The following ARHGEF37 variants were observed in gnomAD, a reference collection of about 807,000 sequenced individuals.
The protein encoded by ARHGEF37 is Rho guanine nucleotide exchange factor 37.
Under a neutral mutation model 71.1 loss-of-function variants are expected in ARHGEF37, and 55 were observed. The observed-to-expected ratio is 0.77, with a 90% confidence interval of 0.62 to 0.97. The LOEUF (loss-of-function observed/expected upper bound fraction) is 0.97, where lower values mean the gene tolerates loss of function less well. Among genes scored for constraint, ARHGEF37 ranks in the 50% least tolerant of loss-of-function variants. The pLI is 0.00. For missense variants in ARHGEF37, 765 were observed against 836.8 expected, an observed-to-expected ratio of 0.91 and a Z score of 1.06; for synonymous variants, 327 against 350.6, an observed-to-expected ratio of 0.93 and a Z score of 0.75.
Position 149,631,966 on chromosome 5 carries a change from TC to T in ARHGEF37, c.1819-12del. ...CTCACCCTGACCATTTCTGTGTCAC[TC>T]CCCATGTGTTTCAGGTCATAGCCGC... On this transcript the variant is annotated splice_polypyrimidine_tract_variant and intron_variant, in intron 12 of 12. Coordinates refer to ENST00000333677, the MANE Select transcript of ARHGEF37 (RefSeq NM_001001669.3). 1 of 1,613,166 alleles carries T rather than the reference TC, an allele frequency of 6.2e-7. No homozygotes were observed. The highest frequency in any genetic ancestry group is 8.5e-7 in the Non-Finnish European group (1 of 1,179,244).
chr5:149,610,630 G>A (rs76554597), intron 4 of ARHGEF37, among the ~76,000 whole-genome samples: 2,148 of 152,286 alleles, frequency 0.014, 36 homozygotes, highest in East Asian at 0.075. Context: ...CAAAAAAACT[G>A]TATTCATTTT....
Position 149,618,260 on chromosome 5 carries a change from C to T in ARHGEF37, c.743C>T (p.Thr248Ile). 6.2e-7 allele frequency: 1 copy of T among 1,614,216 alleles called. No homozygotes were observed. The highest frequency in any genetic ancestry group is 8.5e-7 in the Non-Finnish European group (1 of 1,180,028). The change falls in exon 6 of 13, where the codon ACC (threonine) becomes ATC (isoleucine). Residue 248 changes from threonine to isoleucine, a missense_variant. Thr to Ile is a moderately conservative substitution (Grantham distance 89). Around this residue, in one of 5 missense-constraint regions of ARHGEF37, gnomAD observed 167 missense variants for 173.3 expected, o/e 0.96. Coordinates refer to ENST00000333677, the MANE Select transcript of ARHGEF37 (RefSeq NM_001001669.3). ...INTHTLSKKT[T>I]RLSQLLKQEA... ...ACACACACCCTCTCCAAGAAGACCA[C>T]CCGGCTGAGCCAGCTGCTGAAGCAG...
At chr5:149,621,674 C>T in intron 8 of ARHGEF37, 59 bp from the exon 9 acceptor site, 1 of 1,507,160 alleles carries the variant, frequency 6.6e-7, no homozygotes. Context: ...AGCCCCTTCT[C>T]ACAGCCCCTG....
In ARHGEF37 at chr5:149,632,375, G is replaced by A. The variant is rs1752911899; in HGVS notation, c.*184G>A. 1.6e-6 allele frequency: 1 copy of A among 638,738 alleles called. No homozygotes were observed. Among genetic ancestry groups the A allele is most frequent in the Non-Finnish European group, 2.7e-6 (1 of 372,764 alleles). 39.6% of individuals were successfully genotyped at this position (638,738 alleles called of 1,614,324 possible). A position where few individuals can be genotyped will look rare whatever the true frequency, so the allele number is the denominator to read the frequency against. ...CTCGCAGAGTGCTTGGTGTGGTGGG[G>A]GCACAGGAGGCTCCAGCCAGGACTG... On this transcript the variant is annotated 3_prime_UTR_variant, in exon 13 of 13. Transcript: ENST00000333677.
chr5:149,597,797 T>C lies in ARHGEF37; in HGVS notation c.28T>C (p.Ser10Pro). 6.4e-7 allele frequency: 1 copy of C among 1,570,806 alleles called. No homozygotes were observed. The highest frequency in any genetic ancestry group is 2.3e-5 in the East Asian group (1 of 42,666). ...GGCCAAGCATGGAGCCGACGAGCCA[T>C]CCTCCAGGTCAGGGAGTCCGGACAG... Reference protein sequence around the residue: MAKHGADEPSSRSGSPDREG... With the variant: MAKHGADEPPSRSGSPDREG... The change falls in exon 2 of 13, where the codon TCC (serine) becomes CCC (proline). Residue 10 changes from serine to proline, a missense_variant. By Grantham distance (74) the Ser-to-Pro change is moderately conservative. This residue lies in a region of ARHGEF37 where 201 missense variants were observed against 217.5 expected (regional missense o/e 0.92). Coordinates refer to ENST00000333677, the MANE Select transcript of ARHGEF37 (RefSeq NM_001001669.3).
rs1752615467 is a variant in ARHGEF37 at position 149,624,122 on chromosome 5, G to A, written c.1446G>A (p.Gln482=). The A allele has an allele frequency of 6.2e-7, 1 of 1,609,962 alleles. No individual in the cohort carries two copies. The highest frequency in any genetic ancestry group is 8.5e-7 in the Non-Finnish European group (1 of 1,176,740). ...TTCAAGAGACCTTTGAGAAAGTGCA[G>A]CCACCTCCCACCACACAAGTAAGCA... is the stretch of plus-strand genomic sequence containing the variant. ...RSFQETFEKV[Q]PPPTTQPLLP... The change falls in exon 10 of 13, where the codon CAG becomes CAA. Residue 482 remains glutamine (Q), a synonymous_variant. Coordinates refer to ENST00000333677, the MANE Select transcript of ARHGEF37 (RefSeq NM_001001669.3).
At chr5:149,552,894 A>T (rs74850289) in intron 1 of ARHGEF37, among the ~76,000 whole-genome samples, 8,091 of 152,150 alleles carry the variant, frequency 0.053, 494 homozygotes, top group East Asian at 0.18. Context: ...TGCAACTTTG[A>T]AAGGTGGTCA....
At chr5:149,572,100 T>A (rs1341296221) in intron 1 of ARHGEF37, among the ~76,000 whole-genome samples, 1 of 152,084 alleles carries the variant, frequency 6.6e-6, no homozygotes, top group Non-Finnish European at 1.5e-5. Flanking sequence ...TAGGAATAGA[T>A]AAATTGATAC....
chr5:149,626,123 A>G (rs1752677071), intron 10 of ARHGEF37, among the ~76,000 whole-genome samples: 1 of 152,050 alleles, frequency 6.6e-6, no homozygotes, highest in African/African-American at 2.4e-5. Flanking sequence ...CTGAGACGCC[A>G]TCCCCTTTGG....
Position 149,609,633 on chromosome 5 carries a change from G to A in ARHGEF37, c.396G>A (p.Val132=), listed in dbSNP as rs757508768. Residue 132 remains valine, a synonymous_variant, in exon 4 of 13, where the codon GTG becomes GTA. Coordinates refer to ENST00000333677, the MANE Select transcript of ARHGEF37 (RefSeq NM_001001669.3). Reference sequence around the variant, plus strand: ...GCTACGACCAGGCCTTGCTACTGGTGGACACGTACCGGAAGGAGCCGGAGC... The same window carrying A: ...GCTACGACCAGGCCTTGCTACTGGTAGACACGTACCGGAAGGAGCCGGAGC... ...CASYDQALLL[V]DTYRKEPELQ... 2 of 1,613,364 alleles carry A rather than the reference G, an allele frequency of 1.2e-6. No homozygotes were observed. Among genetic ancestry groups the A allele is most frequent in the South Asian group, 1.1e-5 (1 of 91,030 alleles).
intron 1 of ARHGEF37, among the ~76,000 whole-genome samples, chr5:149,566,856 A>G (rs1762905579): frequency 1.3e-5 from 2 of 152,168 alleles, no homozygotes. Flanking sequence ...GTGTGTACAT[A>G]TATCTCTTCT....
In ARHGEF37 at chr5:149,609,690, G is replaced by C; in HGVS notation, c.453G>C (p.Ala151=). ...GGCACATCCAGGGCATCGTTGAGGC[G>C]GTGGTGTGAGTAGAACGGCCAGTGA... ...LQRHIQGIVE[A]VVPQAGSSGL... The change falls in exon 4 of 13, where the codon GCG becomes GCC. Residue 151 remains alanine, a synonymous_variant. Transcript: ENST00000333677. 1 of 1,612,300 alleles carries C rather than the reference G, an allele frequency of 6.2e-7. No homozygotes were observed. Among genetic ancestry groups the C allele is most frequent in the Non-Finnish European group, 8.5e-7 (1 of 1,180,012 alleles).
Position 149,604,736 on chromosome 5 carries a change from A to G in ARHGEF37, c.310+3505A>G, listed in dbSNP as rs551396905. The stretch of plus-strand genomic sequence containing the variant: ...CTCTCTCTGTCGCCCAGGCTGGAGT[A>G]CAGTGGTGCAATCTTAGCTCACTGC... On this transcript the variant is annotated intron_variant, in intron 3 of 12. Transcript: ENST00000333677. 6.7e-5 allele frequency among the ~76,000 whole-genome samples: 9 copies of G among 133,818 alleles called. No homozygotes were observed. The South Asian group carries it at 2.1e-3, about 32-fold the overall frequency. 87.8% of individuals were successfully genotyped at this position (133,818 alleles called of 152,430 possible).
At chr5:149,609,887 A>G (rs1764029688) in intron 4 of ARHGEF37, among the ~76,000 whole-genome samples, 192 bp downstream of exon 4, 1 of 152,176 alleles carries the variant, frequency 6.6e-6, no homozygotes, top group African/African-American at 2.4e-5. Flanking sequence ...GTTTCAAACA[A>G]CAAAGGTTTA....
chr5:149,601,443 G>A (rs1253119008), intron 3 of ARHGEF37, among the ~76,000 whole-genome samples: 1 of 152,198 alleles, frequency 6.6e-6, no homozygotes, highest in African/African-American at 2.4e-5. Flanking sequence ...CCGAGCCCCA[G>A]AGACAGAGAG....
chr5:149,557,141 T>A (rs975364462), intron 1 of ARHGEF37, among the ~76,000 whole-genome samples: 6 of 152,094 alleles, frequency 3.9e-5, no homozygotes, highest in African/African-American at 1.4e-4. Flanking sequence ...AGCTGACAAA[T>A]ACAGTATTTA....
intron 3 of ARHGEF37, chr5:149,606,686 C>T (rs1763921962): frequency 6.6e-6 from 1 of 152,190 alleles, no homozygotes; most frequent in East Asian, 1.9e-4. Context: ...GCAGAGGCGC[C>T]ATGCTAATCT....
At chr5:149,625,454 G>T (rs978123510) in intron 10 of ARHGEF37, among the ~76,000 whole-genome samples, 1 of 152,104 alleles carries the variant, frequency 6.6e-6, no homozygotes, top group Non-Finnish European at 1.5e-5. Flanking sequence ...TGGGGCCCCA[G>T]GGACACAGAG....
chr5:149,621,169 A>G (rs1201412740), intron 8 of ARHGEF37, among the ~76,000 whole-genome samples: 1 of 151,724 alleles, frequency 6.6e-6, no homozygotes, highest in Non-Finnish European at 1.5e-5. Flanking sequence ...CTCTATACAA[A>G]ATCTTTTCTA....
Sources: gnomAD v4.1 joint callset for allele counts (sites outside exome capture counted in the v4.1 genomes callset) on GRCh38, gnomAD v4.1.1 for gene constraint, gnomAD v4.1.1 regional missense constraint, MANE v1.5 for transcripts, NCBI Gene and HGNC (gene_info 2026-07-23, HGNC 2026-07-21) for gene names.